The following RPRD1A variants were observed in gnomAD, a reference collection of about 807,000 sequenced individuals.
RPRD1A encodes regulation of nuclear pre-mRNA domain containing 1A.
In RPRD1A, 9 loss-of-function variants were observed where a neutral mutation model predicts 37.8. The ratio of observed to expected loss-of-function variants is 0.24; its 90% CI spans 0.14 to 0.42. RPRD1A has a LOEUF of 0.42. Ranked by LOEUF, RPRD1A falls within the 10% of genes least tolerant of loss-of-function variation. RPRD1A has a pLI of 1.00. For missense variants in RPRD1A, 255 were observed against 371.0 expected, an observed-to-expected ratio of 0.69 and a Z score of 2.57; for synonymous variants, 138 against 139.7, an observed-to-expected ratio of 0.99 and a Z score of 0.08.
chr18:36,005,419 T>C (rs1019489385), intron 6 of RPRD1A, among the ~76,000 whole-genome samples: 1 of 152,206 alleles, frequency 6.6e-6, no homozygotes, highest in Non-Finnish European at 1.5e-5. Context: ...TGCTGTAAAT[T>C]TGTGGGCAGT....
At chr18:36,067,125 A>C (rs1204582941) in intron 1 of RPRD1A, 129 bp downstream of exon 1, 4 of 956,068 alleles carry the variant, frequency 4.2e-6, no homozygotes, top group Non-Finnish European at 6.2e-6. Context: ...AGCTCCTCCA[A>C]GCCCGCAGAC....
At position 36,017,080 on chromosome 18, in the gene RPRD1A, T is replaced by C. The variant is rs969480905; in HGVS notation, c.789+9820A>G. 2.6e-5 allele frequency among the ~76,000 whole-genome samples: 4 copies of C among 151,102 alleles called. 1 individual carries two copies. Among genetic ancestry groups the C allele is most frequent in the Non-Finnish European group, 5.9e-5 (4 of 67,886 alleles). Reference sequence around the variant, plus strand: ...CAACACTCTGGGAGGCGAGGGCAGGTGGATCACCTACCTGAGCCCAGCAGT... The same window carrying C: ...CAACACTCTGGGAGGCGAGGGCAGGCGGATCACCTACCTGAGCCCAGCAGT... On this transcript the variant is annotated intron_variant, in intron 6 of 6. Transcript: ENST00000399022.
chr18:35,993,063 C>T lies in RPRD1A; in HGVS notation c.*88G>A. On this transcript the variant is annotated 3_prime_UTR_variant, in exon 7 of 7. Coordinates refer to ENST00000399022, the MANE Select transcript of RPRD1A (RefSeq NM_018170.5). ...CCTTTTGTTAGTGTTTCTTTCTCAA[C>T]AATATACAAAAATAACACTACAGGA... is the stretch of plus-strand genomic sequence containing the variant. 2 of 1,118,610 alleles carry T rather than the reference C, an allele frequency of 1.8e-6. No homozygotes were observed. Among genetic ancestry groups the T allele is most frequent in the Non-Finnish European group, 1.2e-6 (1 of 820,588 alleles). 69.3% of individuals were successfully genotyped at this position (1,118,610 alleles called of 1,614,324 possible). A position where few individuals can be genotyped will look rare whatever the true frequency, so the allele number is the denominator to read the frequency against.
At chr18:36,020,934 C>G (rs191712338) in intron 6 of RPRD1A, among the ~76,000 whole-genome samples, 1 of 152,182 alleles carries the variant, frequency 6.6e-6, no homozygotes, top group Non-Finnish European at 1.5e-5. Flanking sequence ...AAAGAAAGGA[C>G]AGAAAATGCA....
chr18:36,026,267 A>G (rs1474605876), intron 6 of RPRD1A: 4 of 152,350 alleles, frequency 2.6e-5, no homozygotes, highest in Admixed American at 2.6e-4. Context: ...TCATCAACTG[A>G]AAGATTTTTT....
intron 6 of RPRD1A, among the ~76,000 whole-genome samples, chr18:36,005,593 G>A (rs1247044327): frequency 6.6e-6 from 1 of 152,200 alleles, no homozygotes; most frequent in African/African-American, 2.4e-5. Context: ...CTATGAGACA[G>A]AAATACGGAA....
At chr18:36,007,991 T>C (rs1033380599) in intron 6 of RPRD1A, among the ~76,000 whole-genome samples, 31 of 151,946 alleles carry the variant, frequency 2.0e-4, no homozygotes, top group Non-Finnish European at 1.8e-4. Context: ...CTCATGCTTA[T>C]AGTCTCAGCC....
intron 1 of RPRD1A, among the ~76,000 whole-genome samples, chr18:36,036,547 C>T (rs1319106142): frequency 1.3e-5 from 2 of 152,110 alleles, no homozygotes; most frequent in Non-Finnish European, 2.9e-5. Context: ...TACCAAGATA[C>T]TATTTTCACT....
intron 1 of RPRD1A, chr18:36,063,184 T>TTTTG (rs919874113): frequency 6.6e-6 from 1 of 152,194 alleles, no homozygotes; most frequent in South Asian, 2.1e-4. Flanking sequence ...TCTTATATTT[T>TTTTG]TTTGTTTGTT....
intron 6 of RPRD1A, among the ~76,000 whole-genome samples, chr18:36,006,791 G>A (rs976779619): frequency 6.6e-6 from 1 of 152,140 alleles, no homozygotes; most frequent in African/African-American, 2.4e-5. Flanking sequence ...AGCAGGCTAA[G>A]CCCAACCTAA....
chr18:36,028,891 A>T (rs1568131738), intron 4 of RPRD1A, among the ~76,000 whole-genome samples: 2 of 152,234 alleles, frequency 1.3e-5, no homozygotes, highest in African/African-American at 2.4e-5. Context: ...ATGATTACTT[A>T]AAAATACTCC....
At chr18:36,057,549 T>G (rs1913880237) in intron 1 of RPRD1A, among the ~76,000 whole-genome samples, 1 of 152,056 alleles carries the variant, frequency 6.6e-6, no homozygotes, top group South Asian at 2.1e-4. Context: ...GAGGCAGAGG[T>G]TGCTGTGAGT....
At chr18:36,004,348 G>C (rs1273835239) in intron 6 of RPRD1A, among the ~76,000 whole-genome samples, 3 of 151,958 alleles carry the variant, frequency 2.0e-5, no homozygotes, top group East Asian at 3.9e-4. Context: ...TCTGCCTCCT[G>C]CGCTCAAATG....
intron 6 of RPRD1A, among the ~76,000 whole-genome samples, chr18:36,021,952 G>C (rs1003549233): frequency 6.6e-6 from 1 of 152,116 alleles, no homozygotes; most frequent in African/African-American, 2.4e-5. Flanking sequence ...AGTGAGCCGT[G>C]ATCAAGCCAC....
At chr18:36,017,264 G>A (rs966274571) in intron 6 of RPRD1A, among the ~76,000 whole-genome samples, 7 of 152,116 alleles carry the variant, frequency 4.6e-5, no homozygotes, top group African/African-American at 7.2e-5. Context: ...TTGTGCCACT[G>A]AGCTCCAACC....
chr18:36,005,021 G>A (rs935142140), intron 6 of RPRD1A, among the ~76,000 whole-genome samples: 4 of 152,210 alleles, frequency 2.6e-5, no homozygotes, highest in African/African-American at 7.2e-5. Flanking sequence ...CAACTGCATG[G>A]CCAGGCGCAG....
At chr18:36,040,892 T>C (rs954249088) in intron 1 of RPRD1A, 2 of 1,313,066 alleles carry the variant, frequency 1.5e-6, no homozygotes, top group African/African-American at 3.0e-5. Context: ...AACAAGAAAA[T>C]ATTTACTACA....
chr18:36,064,996 A>G (rs1401163024), intron 1 of RPRD1A, among the ~76,000 whole-genome samples: 2 of 152,120 alleles, frequency 1.3e-5, no homozygotes, highest in African/African-American at 2.4e-5. Flanking sequence ...GAAGGTCTGC[A>G]GCTTCACTCC....
intron 6 of RPRD1A, among the ~76,000 whole-genome samples, chr18:36,008,710 A>C (rs1042510482): frequency 2.6e-5 from 4 of 151,224 alleles, no homozygotes; most frequent in African/African-American, 9.7e-5. Flanking sequence ...ACATTTTCAT[A>C]TATATTTAGG....
Sources: gnomAD v4.1 joint callset for allele counts (sites outside exome capture counted in the v4.1 genomes callset) on GRCh38, gnomAD v4.1.1 for gene constraint, MANE v1.5 for transcripts, NCBI Gene and HGNC (gene_info 2026-07-23, HGNC 2026-07-21) for gene names.